The following KCND2 variants were observed in gnomAD, a reference collection of about 807,000 sequenced individuals.
KCND2 encodes the protein A-type voltage-gated potassium channel KCND2.
Under a neutral mutation model 54.4 loss-of-function variants are expected in KCND2, and 16 were observed. That is an observed-to-expected ratio of 0.29 (90% confidence interval 0.20 to 0.45). KCND2 has a LOEUF of 0.45. Ranked by LOEUF, KCND2 falls within the 20% of genes least tolerant of loss-of-function variation. The pLI, the probability that KCND2 is intolerant of heterozygous loss-of-function variation, is 1.00. For missense variants in KCND2, 486 were observed against 824.2 expected (o/e 0.59, Z 5.02); for synonymous variants, 317 against 310.7 (o/e 1.02, Z -0.21).
chr7:120,704,584 A>T (rs947405519), intron 1 of KCND2, among the ~76,000 whole-genome samples: 1 of 152,232 alleles, frequency 6.6e-6, no homozygotes, highest in African/African-American at 2.4e-5. Context: ...TTCAATGGCA[A>T]GCTATAATCA....
chr7:120,460,211 T>C (rs1056250636), intron 1 of KCND2, among the ~76,000 whole-genome samples: 1 of 152,322 alleles, frequency 6.6e-6, no homozygotes, highest in East Asian at 1.9e-4. Flanking sequence ...ATTAAATGTG[T>C]ACTATAGACC....
intron 1 of KCND2, among the ~76,000 whole-genome samples, chr7:120,321,508 A>G (rs901337453): frequency 6.6e-6 from 1 of 152,160 alleles, no homozygotes. Flanking sequence ...TTTGGATATC[A>G]ATATACTTTA....
At chr7:120,303,787 A>G (rs965527336) in intron 1 of KCND2, among the ~76,000 whole-genome samples, 5 of 152,168 alleles carry the variant, frequency 3.3e-5, no homozygotes, top group Admixed American at 6.6e-5. Flanking sequence ...CTGTTTGTCA[A>G]TGTATCCTTT....
chr7:120,513,706 T>A (rs569226187), intron 1 of KCND2, among the ~76,000 whole-genome samples: 148 of 152,252 alleles, frequency 9.7e-4, no homozygotes, highest in Middle Eastern at 3.4e-3. Flanking sequence ...TTTTTACTTT[T>A]TTTTACTTTT....
chr7:120,496,566 A>G (rs1457181100), intron 1 of KCND2, among the ~76,000 whole-genome samples: 2 of 150,286 alleles, frequency 1.3e-5, no homozygotes, highest in African/African-American at 5.0e-5. Flanking sequence ...CTGGGACTAC[A>G]GGTTCCCACC....
chr7:120,705,487 C>A (rs2116046661), intron 1 of KCND2, among the ~76,000 whole-genome samples: 1 of 152,262 alleles, frequency 6.6e-6, no homozygotes, highest in East Asian at 1.9e-4. Flanking sequence ...AAGTTACTCA[C>A]CTTCTCCAAG....
intron 1 of KCND2, among the ~76,000 whole-genome samples, chr7:120,276,173 T>C (rs530443559): frequency 3.2e-4 from 48 of 152,312 alleles, no homozygotes; most frequent in South Asian, 8.3e-4. Flanking sequence ...AACTATTATT[T>C]TCATATGAAT....
chr7:120,649,123 G>C (rs1050114992), intron 1 of KCND2, among the ~76,000 whole-genome samples: 1 of 151,852 alleles, frequency 6.6e-6, no homozygotes, highest in Non-Finnish European at 1.5e-5. Context: ...GAATTATTGA[G>C]ATAACTAATT....
intron 1 of KCND2, among the ~76,000 whole-genome samples, chr7:120,720,966 A>C (rs1272460125): frequency 6.6e-6 from 1 of 152,212 alleles, no homozygotes; most frequent in African/African-American, 2.4e-5. Flanking sequence ...AAGAGAAGTA[A>C]GAAAGTATGC....
chr7:120,556,883 G>A (rs1276416399), intron 1 of KCND2, among the ~76,000 whole-genome samples: 5 of 152,126 alleles, frequency 3.3e-5, no homozygotes, highest in African/African-American at 1.2e-4. Flanking sequence ...ATGGAGATTT[G>A]TCTCTCTAGT....
At chr7:120,480,319 A>G (rs1802589870) in intron 1 of KCND2, among the ~76,000 whole-genome samples, 1 of 152,132 alleles carries the variant, frequency 6.6e-6, no homozygotes, top group Non-Finnish European at 1.5e-5. Flanking sequence ...ACATGGGGGC[A>G]ATAGGAGGGT....
At chr7:120,390,096 A>C (rs1460544174) in intron 1 of KCND2, among the ~76,000 whole-genome samples, 8 of 151,930 alleles carry the variant, frequency 5.3e-5, no homozygotes, top group Non-Finnish European at 1.0e-4. Context: ...TAAATACTCT[A>C]TTTTTTACTA....
chr7:120,282,843 T>C (rs953938241), intron 1 of KCND2, among the ~76,000 whole-genome samples: 1 of 152,184 alleles, frequency 6.6e-6, no homozygotes, highest in Non-Finnish European at 1.5e-5. Context: ...TTCAACATAA[T>C]AGACCTTTGT....
At chr7:120,646,267 G>A (rs1793441032) in intron 1 of KCND2, among the ~76,000 whole-genome samples, 1 of 152,112 alleles carries the variant, frequency 6.6e-6, no homozygotes, top group South Asian at 2.1e-4. Context: ...ACATTGCTGT[G>A]GCATTAACAT....
At chr7:120,281,262 C>A (rs1179800941) in intron 1 of KCND2, among the ~76,000 whole-genome samples, 1 of 151,990 alleles carries the variant, frequency 6.6e-6, no homozygotes, top group East Asian at 1.9e-4. Flanking sequence ...AATTCATTCC[C>A]TTTCCTCCCT....
chr7:120,359,714 T>G (rs933584599), intron 1 of KCND2, among the ~76,000 whole-genome samples: 3 of 152,060 alleles, frequency 2.0e-5, no homozygotes, highest in African/African-American at 7.2e-5. Flanking sequence ...GGGCTCTGTG[T>G]CCCCACCCAA....
intron 1 of KCND2, among the ~76,000 whole-genome samples, chr7:120,539,186 T>C (rs1241699204): frequency 3.9e-5 from 6 of 152,150 alleles, no homozygotes; most frequent in Admixed American, 3.9e-4. Flanking sequence ...TAGATAGATA[T>C]TACATAGCAT....
chr7:120,712,241 ATTTTTTTTTTTTTTTTTTTT>A lies in KCND2; in HGVS notation c.1116-20641_1116-20622del, dbSNP rs869059871. On this transcript the variant is annotated intron_variant, in intron 1 of 5. Transcript: ENST00000331113. ...TTTTCTTTGAATTTTGGATATCTGA[ATTTTTTTTTTTTTTTTTTTT>A]TTTTTTTTTTTTTTTTTTTTGAGAT... Among the ~76,000 whole-genome samples, 301 of 34,786 alleles carry A rather than the reference ATTTTTTTTTTTTTTTTTTTT, an allele frequency of 8.7e-3. 2 individuals carry two copies. Among genetic ancestry groups the A allele is most frequent in the African/African-American group, 0.034 (279 of 8,290 alleles). The allele number at this position is 34,786 out of a possible 152,430, so 22.8% of individuals were successfully genotyped here.
intron 1 of KCND2, among the ~76,000 whole-genome samples, chr7:120,710,056 G>T (rs1792518843): frequency 6.6e-6 from 1 of 152,122 alleles, no homozygotes. Context: ...CCAGGAAGCT[G>T]GCCCTGTATA....
Sources: allele counts gnomAD v4.1 joint callset (sites outside exome capture counted in the v4.1 genomes callset), GRCh38; gene constraint gnomAD v4.1.1; transcripts MANE v1.5; gene names NCBI Gene and HGNC (gene_info 2026-07-23, HGNC 2026-07-21).